The following LCN8 variants were observed in gnomAD, a reference collection of about 807,000 sequenced individuals.
The protein encoded by LCN8 is lipocalin 8, also known as epididymal-specific lipocalin-8.
A neutral mutation model predicts 22.8 loss-of-function variants in LCN8; 16 were observed. That is an observed-to-expected ratio of 0.70 (90% CI 0.47 to 1.06). The LOEUF (loss-of-function observed/expected upper bound fraction) is 1.06. Among genes scored for constraint, LCN8 ranks in the 50% least tolerant of loss-of-function variants. The pLI is 0.00. For missense variants in LCN8, 189 were observed against 203.3 expected (o/e 0.93, Z 0.43); for synonymous variants, 92 against 83.4 (o/e 1.10, Z -0.56).
chr9:136,757,108 G>C lies in LCN8; in HGVS notation c.85C>G (p.Pro29Ala). 1.2e-6 allele frequency: 2 copies of C among 1,613,556 alleles called. No homozygotes were observed. The highest frequency in any genetic ancestry group is 1.3e-5 in the African/African-American group (1 of 75,034). ...ASDQSLVLTA[P>A]KRVEGLFLTL... Reference sequence around the variant, plus strand: ...AGGAACAAGCCCTCCACCCGCTTCGGGGCCGTCAGCACCAGGCTTTGATCG... The same window carrying C: ...AGGAACAAGCCCTCCACCCGCTTCGCGGCCGTCAGCACCAGGCTTTGATCG... The change falls in exon 2 of 7, where the codon CCG becomes GCG. Residue 29 changes from proline to alanine, a missense_variant. By Grantham distance (27) the Pro-to-Ala change is conservative. Transcript: ENST00000371688.
chr9:136,757,223 G>A, intron 1 of LCN8, 55 bp from the exon 2 acceptor site: 2 of 1,584,220 alleles, frequency 1.3e-6, no homozygotes, highest in Non-Finnish European at 8.6e-7. Flanking sequence ...AGACCCCCAG[G>A]GGCATTCCAC....
chr9:136,754,774 G>A (rs989524938), intron 6 of LCN8: 9 of 1,373,788 alleles, frequency 6.6e-6, no homozygotes, highest in African/African-American at 4.4e-5. Context: ...TCTGTGCCCC[G>A]CCGCCGACGG....
At position 136,754,418 on chromosome 9, in the gene LCN8, G is replaced by T; in HGVS notation, c.*80C>A. On this transcript the variant is annotated 3_prime_UTR_variant, in exon 7 of 7. Coordinates refer to ENST00000371688, the MANE Select transcript of LCN8 (RefSeq NM_178469.4). Reference sequence around the variant, plus strand: ...CACAGTTTATTCAGAGCAGGTGCAGGTGACCTGGTGGGCAGGGTGCCCAGG... The same window carrying T: ...CACAGTTTATTCAGAGCAGGTGCAGTTGACCTGGTGGGCAGGGTGCCCAGG... The T allele has an allele frequency of 1.3e-6, 2 of 1,540,358 alleles. No homozygotes were observed. The highest frequency in any genetic ancestry group is 2.4e-5 in the South Asian group (2 of 83,378).
At position 136,757,600 on chromosome 9, in the gene LCN8, G is replaced by C. The variant is rs1380631625; in HGVS notation, c.24+307C>G. ...GCTCGCCAGCCTGCCAACCACGCCA[G>C]AGGATGGGCCTCCTGCCCTCAGCAA... On this transcript the variant is annotated intron_variant, in intron 1 of 6. Transcript: ENST00000371688. 2.1e-6 allele frequency: 3 copies of C among 1,402,870 alleles called. No homozygotes were observed. In the East Asian group the frequency reaches 7.9e-5, roughly 37 times the overall value. The allele number at this position is 1,402,870 out of a possible 1,614,324, so 86.9% of individuals were successfully genotyped here. A position where few individuals can be genotyped will look rare whatever the true frequency, so the allele number is the denominator to read the frequency against.
chr9:136,755,151 G>C lies in LCN8; in HGVS notation c.431C>G (p.Ala144Gly). The C allele has an allele frequency of 1.3e-6, 2 of 1,590,760 alleles. No homozygotes were observed. Among genetic ancestry groups the C allele is most frequent in the Non-Finnish European group, 1.7e-6 (2 of 1,167,594 alleles). The change falls in exon 6 of 7, where the codon GCC becomes GGC. Residue 144 changes from alanine to glycine, a missense_variant. By Grantham distance (60) the Ala-to-Gly change is moderately conservative. Transcript: ENST00000371688. ...LYLAARPGRCAELLKEELI is the reference protein window; with the variant it reads ...LYLAARPGRCGELLKEELI ...CAGGCTCACCTCCTTCAGGAGCTCG[G>C]CACACCGCCCTGCAGGATAGGCCAG...
intron 1 of LCN8, chr9:136,757,647 C>T (rs1379361628): frequency 9.8e-6 from 14 of 1,423,288 alleles, no homozygotes; most frequent in East Asian, 2.5e-5. Flanking sequence ...CCGGGACTTC[C>T]GCTGAGACTT....
At chr9:136,755,387 C>G in intron 4 of LCN8, 25 bp downstream of exon 4, 1 of 1,610,908 alleles carries the variant, frequency 6.2e-7, no homozygotes, top group Non-Finnish European at 8.5e-7. Flanking sequence ...AGCAGCTGGG[C>G]AGAGCCCCCC....
In LCN8 at chr9:136,757,888, A is replaced by T; in HGVS notation, c.24+19T>A. ...TGGGGGTGTAGGAGGAGCCCCACCA[A>T]CTAAGAAGGAGAAGCCACCTTCTGC... On this transcript the variant is annotated intron_variant, in intron 1 of 6. Coordinates refer to ENST00000371688, the MANE Select transcript of LCN8 (RefSeq NM_178469.4). 6.2e-7 allele frequency: 1 copy of T among 1,613,650 alleles called. No homozygotes were observed. The highest frequency in any genetic ancestry group is 1.7e-5 in the Admixed American group (1 of 60,014).
intron 2 of LCN8, 48 bp from the exon 3 acceptor site, chr9:136,756,640 G>A (rs755595230): frequency 4.9e-5 from 79 of 1,601,394 alleles, no homozygotes; most frequent in Non-Finnish European, 6.3e-5. Flanking sequence ...CCTGTGTCCC[G>A]CCTGCTGGGC....
Position 136,755,263 on chromosome 9 carries a change from G to C in LCN8, c.402C>G (p.Leu134=). ...GCTCACCAGGCCGGGCCGCCAGGTA[G>C]AGACCAGTGTCTGCTGTCAGCTCCC... ...KFRELTADTG[L]YLAARPGRCA... Residue 134 remains leucine (L), a synonymous_variant, in exon 5 of 7, where the codon CTC becomes CTG. Coordinates refer to ENST00000371688, the MANE Select transcript of LCN8 (RefSeq NM_178469.4). The C allele has an allele frequency of 6.2e-7, 1 of 1,612,510 alleles. No individual in the cohort carries two copies. The highest frequency in any genetic ancestry group is 8.5e-7 in the Non-Finnish European group (1 of 1,179,986).
chr9:136,757,901 A>G lies in LCN8; in HGVS notation c.24+6T>C. 6.2e-7 allele frequency: 1 copy of G among 1,613,770 alleles called. No individual in the cohort carries two copies. The highest frequency in any genetic ancestry group is 8.5e-7 in the Non-Finnish European group (1 of 1,179,942). ...GGAGCCCCACCAACTAAGAAGGAGA[A>G]GCCACCTTCTGCCGGTCCAGCTCCT... On this transcript the variant is annotated splice_donor_region_variant and intron_variant, in intron 1 of 6. Transcript: ENST00000371688.
chr9:136,755,302 C>G lies in LCN8; in HGVS notation c.363G>C (p.Gly121=). Residue 121 remains glycine, a synonymous_variant, in exon 5 of 7, where the codon GGG becomes GGC. Transcript: ENST00000371688. ...CTGTCAGCTCCCGAAACTTCCAGAA[C>G]CCCAGCCGGTCCTTGTCCTCAAGGC... ...TRSLEDKDRL[G]FWKFRELTAD... is the part of the protein sequence containing the mutation. 6.2e-7 allele frequency: 1 copy of G among 1,610,782 alleles called. No homozygotes were observed. Among genetic ancestry groups the G allele is most frequent in the Non-Finnish European group, 8.5e-7 (1 of 1,179,996 alleles).
Position 136,757,778 on chromosome 9 carries a change from G to A in LCN8, c.24+129C>T, listed in dbSNP as rs984567717. On this transcript the variant is annotated intron_variant, in intron 1 of 6. Coordinates refer to ENST00000371688, the MANE Select transcript of LCN8 (RefSeq NM_178469.4). Reference sequence around the variant, plus strand: ...CAGACTCAGCGGAGAAGAAAATGCCGCTAACAGGAAGTGTCTAGCCGGGCA... The same window carrying A: ...CAGACTCAGCGGAGAAGAAAATGCCACTAACAGGAAGTGTCTAGCCGGGCA... 61 of 1,586,296 alleles carry A rather than the reference G, an allele frequency of 3.8e-5. No individual in the cohort carries two copies. The Middle Eastern group carries it at 5.0e-4, about 13-fold the overall frequency.
intron 3 of LCN8, chr9:136,756,226 AGGGAACAGT>A: frequency 9.6e-7 from 1 of 1,042,972 alleles, no homozygotes; most frequent in Non-Finnish European, 1.3e-6. Context: ...GGAACAGTGC[AGGGAACAGT>A]GCAGGGAACG....
chr9:136,756,624 T>C (rs1233843244), intron 2 of LCN8, 32 bp from the exon 3 acceptor site: 1 of 1,609,312 alleles, frequency 6.2e-7, no homozygotes. Context: ...ATCGGTAAAA[T>C]GCTAGCCTGT....
chr9:136,755,238 G>T lies in LCN8; in HGVS notation c.421+6C>A. 6.2e-7 allele frequency: 1 copy of T among 1,612,600 alleles called. No homozygotes were observed. Among genetic ancestry groups the T allele is most frequent in the South Asian group, 1.1e-5 (1 of 90,876 alleles). ...CCAGCCTCCACCCCAAGGCCCCTGG[G>T]CTCACCAGGCCGGGCCGCCAGGTAG... On this transcript the variant is annotated splice_donor_region_variant and intron_variant, in intron 5 of 6. Transcript: ENST00000371688.
intron 1 of LCN8, 109 bp downstream of exon 1, chr9:136,757,798 C>G: frequency 6.2e-7 from 1 of 1,605,278 alleles, no homozygotes; most frequent in Non-Finnish European, 8.5e-7. Context: ...AGTGTCTAGC[C>G]GGGCACCAGC....
chr9:136,757,616 C>T, intron 1 of LCN8: 1 of 1,409,122 alleles, frequency 7.1e-7, no homozygotes, highest in Non-Finnish European at 9.2e-7. Flanking sequence ...GGGCCTCCTG[C>T]CCTCAGCAAC....
chr9:136,754,855 C>T (rs1847145085), intron 6 of LCN8: 1 of 1,359,500 alleles, frequency 7.4e-7, no homozygotes, highest in Non-Finnish European at 9.4e-7. Context: ...TTCTGCTCCC[C>T]TGCCCCACCC....
Sources: allele counts gnomAD v4.1 joint callset, GRCh38; gene constraint gnomAD v4.1.1; transcripts MANE v1.5; gene names NCBI Gene and HGNC (gene_info 2026-07-23, HGNC 2026-07-21).